The following WDFY4 variants were observed in gnomAD, a reference collection of about 807,000 sequenced individuals.
WDFY4 encodes the protein WDFY family member 4.
Under a neutral mutation model 351.9 loss-of-function variants are expected in WDFY4, and 169 were observed. The ratio of observed to expected loss-of-function variants is 0.48; its 90% confidence interval spans 0.42 to 0.55. The LOEUF (loss-of-function observed/expected upper bound fraction) is 0.55. Among genes scored for constraint, WDFY4 ranks in the 20% least tolerant of loss-of-function variants. WDFY4 has a pLI of 0.00. For missense variants in WDFY4, 3,803 were observed against 3,935.6 expected (o/e 0.97, Z 0.90); for synonymous variants, 1,622 against 1,574.6 (o/e 1.03, Z -0.71).
At chr10:48,956,750 C>T (rs1020473152) in intron 51 of WDFY4, among the ~76,000 whole-genome samples, 1 of 152,190 alleles carries the variant, frequency 6.6e-6, no homozygotes, top group Non-Finnish European at 1.5e-5. Context: ...GGAGCCGAGT[C>T]CCAGTCACTA....
At chr10:48,800,670 G>GTTTCTTTCTTTCTTTCTTTCTTTC (rs59039598) in intron 24 of WDFY4, among the ~76,000 whole-genome samples, 5 of 115,264 alleles carry the variant, frequency 4.3e-5, no homozygotes, top group Non-Finnish European at 6.8e-5. Flanking sequence ...TTAGGTTTTG[G>GTTTCTTTCTTTCTTTCTTTCTTTC]TTTCTTTCTT....
intron 47 of WDFY4, among the ~76,000 whole-genome samples, chr10:48,933,096 G>T (rs893306802): frequency 6.6e-6 from 1 of 152,146 alleles, no homozygotes; most frequent in African/African-American, 2.4e-5. Context: ...GGGAGTCTGT[G>T]CTGAAGGGCA....
chr10:48,753,581 T>C (rs182295947), intron 12 of WDFY4, among the ~76,000 whole-genome samples: 15 of 152,338 alleles, frequency 9.8e-5, no homozygotes, highest in African/African-American at 3.4e-4. Context: ...CTTTTGCTTA[T>C]AGCTATTCAA....
intron 47 of WDFY4, among the ~76,000 whole-genome samples, chr10:48,918,447 A>G (rs1205162250): frequency 1.3e-5 from 2 of 152,226 alleles, no homozygotes; most frequent in African/African-American, 4.8e-5. Context: ...CAGATAAAGC[A>G]TATTTCAGAA....
chr10:48,803,804 G>A (rs1471515985), intron 25 of WDFY4, among the ~76,000 whole-genome samples: 1 of 152,238 alleles, frequency 6.6e-6, no homozygotes, highest in African/African-American at 2.4e-5. Context: ...GAGGGACTTC[G>A]TTGGCTCTTA....
intron 19 of WDFY4, 107 bp downstream of exon 19, chr10:48,780,226 G>GTTTA: frequency 2.2e-6 from 3 of 1,349,108 alleles, no homozygotes; most frequent in Non-Finnish European, 3.0e-6. Flanking sequence ...TTGTTTGTTT[G>GTTTA]TTTATTACTG....
chr10:48,863,660 TA>T (rs1357126882), intron 39 of WDFY4, among the ~76,000 whole-genome samples: 2 of 152,226 alleles, frequency 1.3e-5, no homozygotes, highest in African/African-American at 2.4e-5. Flanking sequence ...TTTTACTTTC[TA>T]ATAGTGTCTT....
At position 48,884,335 on chromosome 10, in the gene WDFY4, G is replaced by A. The variant is rs929548531; in HGVS notation, c.7168-6244G>A. The A allele has an allele frequency of 2.9e-4, 44 of 152,142 alleles. 1 individual carries two copies. The highest frequency in any genetic ancestry group is 2.9e-3 in the Admixed American group (44 of 15,276). 9.4% of individuals were successfully genotyped at this position (152,142 alleles called of 1,614,324 possible). ...ACTTCCTGTCTTTCTGAATCTCCATGACTTTCTGAAATGAAAACAACACAT... is the reference window on the plus strand; with the variant it reads ...ACTTCCTGTCTTTCTGAATCTCCATAACTTTCTGAAATGAAAACAACACAT... On this transcript the variant is annotated intron_variant, in intron 43 of 61. Coordinates refer to ENST00000325239, the MANE Select transcript of WDFY4 (RefSeq NM_001394531.1).
rs376105556 is a variant in WDFY4 at position 48,913,601 on chromosome 10, C to T, written c.7586+11738C>T. The T allele has an allele frequency of 3.8e-5, 61 of 1,613,946 alleles. 1 individual carries two copies. The South Asian group carries it at 5.8e-4, about 15-fold the overall frequency. ...TCCTGATGGAGTCTATGAATATTTC[C>T]GACTCACCTGGCTTTGGAAAGGGGT... On this transcript the variant is annotated intron_variant, in intron 47 of 61. Coordinates refer to ENST00000325239, the MANE Select transcript of WDFY4 (RefSeq NM_001394531.1).
At chr10:48,708,259 A>G (rs1028586842) in intron 1 of WDFY4, among the ~76,000 whole-genome samples, 4 of 152,204 alleles carry the variant, frequency 2.6e-5, no homozygotes, top group African/African-American at 4.8e-5. Context: ...TTCTGCACAT[A>G]AAGAGTGAGA....
At chr10:48,901,913 AT>A (rs1199224790) in intron 47 of WDFY4, 50 bp downstream of exon 47, 1 of 1,501,466 alleles carries the variant, frequency 6.7e-7, no homozygotes, top group African/African-American at 1.4e-5. Flanking sequence ...CCTGGCTTTG[AT>A]GTTCCTCCTC....
intron 13 of WDFY4, among the ~76,000 whole-genome samples, chr10:48,768,601 G>A (rs1049894837): frequency 1.3e-5 from 2 of 152,116 alleles, no homozygotes; most frequent in African/African-American, 2.4e-5. Context: ...TTTTAGAGTA[G>A]CCTGTGCTTA....
intron 57 of WDFY4, among the ~76,000 whole-genome samples, chr10:48,971,263 G>C (rs1842324746): frequency 6.6e-6 from 1 of 152,204 alleles, no homozygotes; most frequent in Non-Finnish European, 1.5e-5. Context: ...TTGAGAGGCT[G>C]AGGTGGGCGG....
At chr10:48,718,592 A>G (rs1308426127) in intron 2 of WDFY4, among the ~76,000 whole-genome samples, 3 of 152,242 alleles carry the variant, frequency 2.0e-5, no homozygotes, top group African/African-American at 7.2e-5. Context: ...GAATGTGCAC[A>G]GCAGCTGACC....
intron 36 of WDFY4, 44 bp downstream of exon 36, chr10:48,826,953 C>A: frequency 7.2e-7 from 1 of 1,382,484 alleles, no homozygotes; most frequent in Middle Eastern, 1.8e-4. Context: ...GTGGTCCATG[C>A]AGAAAGGAGA....
At chr10:48,941,896 G>A (rs1840785960) in intron 48 of WDFY4, 48 bp downstream of exon 48, 1 of 1,536,218 alleles carries the variant, frequency 6.5e-7, no homozygotes. Context: ...GCAAACCAGA[G>A]AATGGCTCAG....
rs750687453 is a variant in WDFY4 at position 48,976,924 on chromosome 10, C to T, written c.9236C>T (p.Pro3079Leu). 5.9e-6 allele frequency: 9 copies of T among 1,531,786 alleles called. No homozygotes were observed. Among genetic ancestry groups the T allele is most frequent in the Non-Finnish European group, 7.9e-6 (9 of 1,135,914 alleles). The allele number at this position is 1,531,786 out of a possible 1,614,324, so 94.9% of individuals were successfully genotyped here. ...AITCCCLMEG[P>L]AWDTSQIIIT... The stretch of plus-strand genomic sequence containing the variant: ...ACCTGCTGCTGCCTGATGGAGGGCC[C>T]AGCATGGGACACAAGCCAGATCATC... Residue 3079 changes from proline to leucine, a missense_variant, in exon 59 of 62, where the codon CCA (proline) becomes CTA (leucine). Physicochemically the swap from Pro to Leu is moderately conservative, Grantham distance 98. Around this residue, in one of 3 missense-constraint regions of WDFY4, gnomAD observed 3,054 missense variants for 3,148.6 expected, o/e 0.97. Coordinates refer to ENST00000325239, the MANE Select transcript of WDFY4 (RefSeq NM_001394531.1).
chr10:48,734,900 C>T (rs867391405), intron 10 of WDFY4, among the ~76,000 whole-genome samples: 5 of 151,178 alleles, frequency 3.3e-5, no homozygotes, highest in South Asian at 4.2e-4. Flanking sequence ...CTCAACCTCC[C>T]GAGTAGCTGG....
chr10:48,936,034 A>G (rs1840338794), intron 47 of WDFY4, among the ~76,000 whole-genome samples: 1 of 152,194 alleles, frequency 6.6e-6, no homozygotes. Flanking sequence ...ATATGCAGAA[A>G]TAAGAAATTG....
Sources: gnomAD v4.1 joint callset for allele counts (sites outside exome capture counted in the v4.1 genomes callset) on GRCh38, gnomAD v4.1.1 for gene constraint, gnomAD v4.1.1 regional missense constraint, MANE v1.5 for transcripts, NCBI Gene and HGNC (gene_info 2026-07-23, HGNC 2026-07-21) for gene names.